Variants in LDB2 observed in about 807,000 individuals in gnomAD.
The protein encoded by LDB2 is LIM domain-binding protein 2.
In LDB2, 12 loss-of-function variants were observed where a neutral mutation model predicts 44.3. The observed-to-expected ratio is 0.27, with a 90% confidence interval of 0.17 to 0.44. The LOEUF is 0.44. LDB2 is among the 20% of genes least tolerant of loss of function. The pLI is 1.00. For synonymous variants in LDB2, 164 were observed against 174.8 expected, an observed-to-expected ratio of 0.94 and a Z score of 0.49; for missense variants, 344 against 473.5, an observed-to-expected ratio of 0.73 and a Z score of 2.54.
At chr4:16,631,946 A>T (rs2152496006) in intron 2 of LDB2, among the ~76,000 whole-genome samples, 1 of 152,366 alleles carries the variant, frequency 6.6e-6, no homozygotes, top group South Asian at 2.1e-4. Context: ...AATAATTAAT[A>T]GCCTATCAAC....
intron 1 of LDB2, among the ~76,000 whole-genome samples, chr4:16,859,572 C>G (rs1365724873): frequency 6.6e-6 from 1 of 152,194 alleles, no homozygotes; most frequent in Non-Finnish European, 1.5e-5. Flanking sequence ...GTGTGCATTA[C>G]TTTTCCCTAC....
intron 2 of LDB2, among the ~76,000 whole-genome samples, chr4:16,613,964 A>G (rs1327619839): frequency 4.6e-5 from 7 of 152,238 alleles, no homozygotes; most frequent in Non-Finnish European, 1.5e-5. Context: ...TAGCCAAGAC[A>G]ATCTTAAGTG....
At chr4:16,665,318 T>A (rs1446786803) in intron 2 of LDB2, among the ~76,000 whole-genome samples, 7 of 140,940 alleles carry the variant, frequency 5.0e-5, no homozygotes, top group Non-Finnish European at 1.1e-4. Flanking sequence ...CAGGCTGGAG[T>A]GCAGTGGTGT....
chr4:16,697,349 G>C lies in LDB2; in HGVS notation c.235+61809C>G, dbSNP rs6820008. Among the ~76,000 whole-genome samples, 1,333 of 151,218 alleles carry C rather than the reference G, an allele frequency of 8.8e-3. 26 individuals carry two copies. The highest frequency in any genetic ancestry group is 0.03 in the African/African-American group (1,236 of 41,116). On this transcript the variant is annotated intron_variant, in intron 2 of 7. Transcript: ENST00000304523. ...GGGCGCCTGTAGTCCCAGCTACTAG[G>C]GAGGCTGAGGCAGGAGAATGGCGTG...
At chr4:16,664,892 T>A (rs1416695600) in intron 2 of LDB2, among the ~76,000 whole-genome samples, 1 of 152,206 alleles carries the variant, frequency 6.6e-6, no homozygotes, top group African/African-American at 2.4e-5. Context: ...AGAGGGTAGA[T>A]GAACAGAAAA....
chr4:16,823,750 T>G (rs1782533769), intron 1 of LDB2, among the ~76,000 whole-genome samples: 1 of 152,228 alleles, frequency 6.6e-6, no homozygotes, highest in Admixed American at 6.5e-5. Context: ...CTCCCACATC[T>G]AACTTACCAT....
intron 2 of LDB2, among the ~76,000 whole-genome samples, chr4:16,633,408 C>T (rs1174852254): frequency 6.6e-6 from 1 of 152,082 alleles, no homozygotes; most frequent in Non-Finnish European, 1.5e-5. Context: ...GCACATTGTG[C>T]ACGTGTACCC....
chr4:16,522,664 T>C (rs765475065), intron 5 of LDB2, among the ~76,000 whole-genome samples: 5 of 152,138 alleles, frequency 3.3e-5, no homozygotes, highest in Non-Finnish European at 7.3e-5. Flanking sequence ...AATGTAAATA[T>C]ACACACACAC....
intron 2 of LDB2, among the ~76,000 whole-genome samples, chr4:16,705,028 C>A (rs892507138): frequency 1.3e-5 from 2 of 152,152 alleles, no homozygotes; most frequent in Non-Finnish European, 2.9e-5. Flanking sequence ...TCACTACAAT[C>A]TTTAACTTGC....
At position 16,502,445 on chromosome 4, in the gene LDB2, G is replaced by A; in HGVS notation, c.*198C>T. 1.4e-6 allele frequency: 1 copy of A among 717,846 alleles called. No individual in the cohort carries two copies. The allele number at this position is 717,846 out of a possible 1,614,324, so 44.5% of individuals were successfully genotyped here. A position where few individuals can be genotyped will look rare whatever the true frequency, so the allele number is the denominator to read the frequency against. On this transcript the variant is annotated 3_prime_UTR_variant, in exon 8 of 8. Transcript: ENST00000304523. ...TACCTGTGAAGGCCTCCAAGAAAGG[G>A]TCATGGAAGCTTACTGGGAATAATC... is the stretch of plus-strand genomic sequence containing the variant.
chr4:16,565,615 A>AT (rs1338343393), intron 5 of LDB2, among the ~76,000 whole-genome samples: 2 of 151,978 alleles, frequency 1.3e-5, no homozygotes, highest in South Asian at 2.1e-4. Flanking sequence ...ATTATTCAAC[A>AT]TTTTTTCTGA....
chr4:16,660,342 G>A (rs1741214896), intron 2 of LDB2, among the ~76,000 whole-genome samples: 1 of 152,124 alleles, frequency 6.6e-6, no homozygotes, highest in South Asian at 2.1e-4. Flanking sequence ...AAGGTTCACA[G>A]GCTCACTGAA....
chr4:16,730,604 T>C (rs1005620304), intron 2 of LDB2, among the ~76,000 whole-genome samples: 1 of 152,186 alleles, frequency 6.6e-6, no homozygotes, highest in African/African-American at 2.4e-5. Context: ...GCAACTAGTG[T>C]CTCCATTCTA....
chr4:16,886,020 A>G (rs1580489523), intron 1 of LDB2, among the ~76,000 whole-genome samples: 1 of 152,140 alleles, frequency 6.6e-6, no homozygotes, highest in East Asian at 1.9e-4. Context: ...GTTTGAGACC[A>G]GCCTGGGTAA....
intron 5 of LDB2, among the ~76,000 whole-genome samples, chr4:16,565,827 G>A (rs769207905): frequency 2.2e-4 from 34 of 151,926 alleles, no homozygotes; most frequent in South Asian, 1.0e-3. Flanking sequence ...AATAACTTTC[G>A]TAAGTACAAA....
At chr4:16,699,015 T>G (rs371434828) in intron 2 of LDB2, among the ~76,000 whole-genome samples, 1 of 152,234 alleles carries the variant, frequency 6.6e-6, no homozygotes, top group Admixed American at 6.5e-5. Flanking sequence ...TGTCAGGAAT[T>G]GGGCATCTTA....
At chr4:16,683,637 C>T (rs773128138) in intron 2 of LDB2, among the ~76,000 whole-genome samples, 13 of 152,178 alleles carry the variant, frequency 8.5e-5, no homozygotes, top group Admixed American at 2.6e-4. Context: ...CAGTGAAGAC[C>T]ATTGCCACTA....
intron 1 of LDB2, among the ~76,000 whole-genome samples, chr4:16,852,340 C>T (rs1024035890): frequency 6.6e-6 from 1 of 152,142 alleles, no homozygotes; most frequent in Non-Finnish European, 1.5e-5. Flanking sequence ...AATCACACAG[C>T]GTCAGATACA....
At chr4:16,598,557 A>G (rs1721679263) in intron 2 of LDB2, among the ~76,000 whole-genome samples, 2 of 152,158 alleles carry the variant, frequency 1.3e-5, no homozygotes, top group South Asian at 4.1e-4. Flanking sequence ...AGTAAATAAA[A>G]GAAATATTTG....
Sources: gnomAD v4.1 joint callset for allele counts (sites outside exome capture counted in the v4.1 genomes callset) on GRCh38, gnomAD v4.1.1 for gene constraint, MANE v1.5 for transcripts, NCBI Gene and HGNC (gene_info 2026-07-23, HGNC 2026-07-21) for gene names.